Variants in RNF144A observed in about 807,000 individuals in gnomAD.
RNF144A encodes E3 ubiquitin-protein ligase RNF144A.
RNF144A carries 11 observed loss-of-function variants against 38.7 expected under a neutral mutation model. The ratio of observed to expected loss-of-function variants is 0.28; its 90% CI spans 0.18 to 0.47. The LOEUF (loss-of-function observed/expected upper bound fraction) is 0.47. Ranked by LOEUF, RNF144A falls within the 20% of genes least tolerant of loss-of-function variation. RNF144A has a pLI of 0.99. For synonymous variants in RNF144A, 149 were observed against 143.9 expected (o/e 1.04, Z -0.25); for missense variants, 316 against 377.2 (o/e 0.84, Z 1.34).
intron 2 of RNF144A, among the ~76,000 whole-genome samples, chr2:6,979,858 A>G (rs1167845051): frequency 6.6e-6 from 1 of 152,208 alleles, no homozygotes; most frequent in African/African-American, 2.4e-5. Context: ...CTGTAATGAT[A>G]CTACCTGAGA....
the RNF144A span, among the ~76,000 whole-genome samples, chr2:7,074,034 CAAGAT>C: frequency 6.6e-6 from 1 of 152,240 alleles, no homozygotes; most frequent in Non-Finnish European, 1.5e-5. Flanking sequence ...GCCCTATCCT[CAAGAT>C]AAGACTGCAA....
chr2:7,071,280 G>A (rs75961451), downstream of RNF144A, among the ~76,000 whole-genome samples: 1 of 152,154 alleles, frequency 6.6e-6, no homozygotes, highest in Non-Finnish European at 1.5e-5. Context: ...CTGACACAGA[G>A]CCAGCTGCAG....
chr2:7,024,548 A>G (rs1415204508), intron 7 of RNF144A, 32 bp downstream of exon 7: 3 of 1,581,178 alleles, frequency 1.9e-6, no homozygotes, highest in East Asian at 2.3e-5. Context: ...ACCTTGCGGC[A>G]TTTAGCTTTG....
chr2:7,003,054 A>G (rs1426863043), intron 3 of RNF144A, among the ~76,000 whole-genome samples: 1 of 150,416 alleles, frequency 6.6e-6, no homozygotes. Flanking sequence ...TATTAAATAC[A>G]TATATACACA....
chr2:6,985,506 G>A (rs1171732526), intron 2 of RNF144A, among the ~76,000 whole-genome samples: 1 of 152,080 alleles, frequency 6.6e-6, no homozygotes, highest in African/African-American at 2.4e-5. Flanking sequence ...GTAAATGTTG[G>A]CATAAGGGAT....
At chr2:6,926,986 A>C (rs1664916272) in intron 1 of RNF144A, among the ~76,000 whole-genome samples, 1 of 152,160 alleles carries the variant, frequency 6.6e-6, no homozygotes. Context: ...TCTGGAGTCC[A>C]CATGGCAGGG....
intron 5 of RNF144A, among the ~76,000 whole-genome samples, chr2:7,016,564 A>T (rs1671152206): frequency 6.6e-6 from 1 of 151,792 alleles, no homozygotes; most frequent in Non-Finnish European, 1.5e-5. Flanking sequence ...AAAAAAAAAA[A>T]ATCTCTCAAG....
chr2:6,977,480 G>A (rs186453510), intron 2 of RNF144A, among the ~76,000 whole-genome samples: 89 of 152,354 alleles, frequency 5.8e-4, no homozygotes, highest in African/African-American at 2.1e-3. Flanking sequence ...ACTGCAGAGA[G>A]GATCGCACCT....
chr2:7,055,402 C>T (rs906584694), intron 6 of RNF144A, among the ~76,000 whole-genome samples: 8 of 152,210 alleles, frequency 5.3e-5, no homozygotes, highest in Non-Finnish European at 8.8e-5. Flanking sequence ...ACCATTATAC[C>T]ACCTTTAGCC....
At chr2:7,020,780 T>C in intron 6 of RNF144A, 100 bp downstream of exon 6, 1 of 1,061,476 alleles carries the variant, frequency 9.4e-7, no homozygotes, top group South Asian at 1.4e-5. Flanking sequence ...TAAGTGGCTG[T>C]GGCTCAGTCA....
At position 7,051,960 on chromosome 2, in the gene RNF144A, G is replaced by A. The variant is rs528495648; in HGVS notation, c.735-16256G>A. Among the ~76,000 whole-genome samples, 32 of 152,176 alleles carry A rather than the reference G, an allele frequency of 2.1e-4. 1 individual carries two copies. Among genetic ancestry groups the A allele is most frequent in the African/African-American group, 6.5e-4 (27 of 41,518 alleles). ...TCCCCCAGTATTCAGAATAACCCAA[G>A]GACACCCTCACCCAGGTATGCCCAA... On this transcript the variant is annotated intron_variant, in intron 6 of 6. Coordinates refer to the RNF144A transcript ENST00000432850.
At chr2:6,954,512 G>A (rs1666878637) in intron 2 of RNF144A, among the ~76,000 whole-genome samples, 1 of 152,130 alleles carries the variant, frequency 6.6e-6, no homozygotes, top group Admixed American at 6.5e-5. Flanking sequence ...TGCTGGGAAG[G>A]GTCTTGATAG....
intron 1 of RNF144A, among the ~76,000 whole-genome samples, chr2:6,939,705 T>G (rs781749779): frequency 2.0e-5 from 3 of 152,220 alleles, no homozygotes; most frequent in Non-Finnish European, 4.4e-5. Flanking sequence ...TAAATTTAGC[T>G]GTTATATTTA....
intron 3 of RNF144A, among the ~76,000 whole-genome samples, chr2:7,011,117 A>C (rs416411): frequency 0.6 from 90,657 of 151,986 alleles, 27,672 homozygotes; most frequent in Non-Finnish European, 0.65. Flanking sequence ...TGAATGATTG[A>C]TTTTGAAAGT....
At chr2:7,032,868 C>G (rs1039916117) in intron 8 of RNF144A, among the ~76,000 whole-genome samples, 4 of 152,250 alleles carry the variant, frequency 2.6e-5, no homozygotes, top group African/African-American at 7.2e-5. Context: ...ACCCCCCTCC[C>G]CACGCAGCAT....
intron 2 of RNF144A, among the ~76,000 whole-genome samples, chr2:6,948,191 G>A (rs1666460964): frequency 6.6e-6 from 1 of 152,188 alleles, no homozygotes; most frequent in African/African-American, 2.4e-5. Flanking sequence ...TCTCTCAGAG[G>A]AGAATACTCT....
At chr2:7,007,347 A>C (rs1156899906) in intron 3 of RNF144A, among the ~76,000 whole-genome samples, 1 of 152,226 alleles carries the variant, frequency 6.6e-6, no homozygotes, top group Non-Finnish European at 1.5e-5. Context: ...TGAATTAAGA[A>C]AGTGTCACAC....
chr2:6,987,492 C>T (rs370240306), intron 2 of RNF144A, among the ~76,000 whole-genome samples: 7 of 152,098 alleles, frequency 4.6e-5, no homozygotes, highest in East Asian at 1.9e-4. Context: ...GCGTGGAGGT[C>T]GCCTGGTCTA....
intron 8 of RNF144A, among the ~76,000 whole-genome samples, chr2:7,034,044 C>T (rs1406325567): frequency 6.6e-6 from 1 of 152,150 alleles, no homozygotes; most frequent in Non-Finnish European, 1.5e-5. Flanking sequence ...GCTTTATTTT[C>T]TGGTTCTGCT....
Sources: allele counts gnomAD v4.1 joint callset (sites outside exome capture counted in the v4.1 genomes callset), GRCh38; gene constraint gnomAD v4.1.1; transcripts MANE v1.5; gene names NCBI Gene and HGNC (gene_info 2026-07-23, HGNC 2026-07-21).